Variants in IKZF1 observed in about 807,000 individuals in gnomAD.
IKZF1 encodes IKAROS family zinc finger 1.
A neutral mutation model predicts 51.7 loss-of-function variants in IKZF1; 10 were observed. That is an observed-to-expected ratio of 0.19 (90% CI 0.12 to 0.33). IKZF1 has a LOEUF of 0.33. IKZF1 is among the 10% of genes least tolerant of loss of function. The probability of loss-of-function intolerance (pLI) is 1.00; values close to 1 mark genes in which losing one functional copy is unlikely to be tolerated. For missense variants in IKZF1, 484 were observed against 707.5 expected (o/e 0.68, Z 3.58); for synonymous variants, 280 against 282.3 (o/e 0.99, Z 0.08).
intron 5 of IKZF1, among the ~76,000 whole-genome samples, chr7:50,386,342 T>C (rs555580319): frequency 5.2e-4 from 79 of 152,354 alleles, no homozygotes; most frequent in Admixed American, 9.8e-4. Context: ...TATAATAAGT[T>C]AAAATTAAAC....
intron 3 of IKZF1, among the ~76,000 whole-genome samples, chr7:50,332,345 T>G (rs1472038224): frequency 1.3e-5 from 2 of 152,206 alleles, no homozygotes; most frequent in African/African-American, 4.8e-5. Context: ...TTCTCTCTTG[T>G]ACACATTTCC....
chr7:50,370,981 G>A (rs898214146), intron 3 of IKZF1, among the ~76,000 whole-genome samples: 39 of 152,274 alleles, frequency 2.6e-4, no homozygotes, highest in Admixed American at 1.5e-3. Flanking sequence ...TCACAGAAGG[G>A]CACGGCCAGG....
intron 1 of IKZF1, chr7:50,318,394 G>A (rs893036357): frequency 1.0e-4 from 23 of 228,616 alleles, no homozygotes; most frequent in East Asian, 2.5e-4. Context: ...TTTTGCTGCC[G>A]TAGTGAGCGT....
Position 50,366,397 on chromosome 7 carries a change from A to G in IKZF1, c.161-10136A>G, listed in dbSNP as rs148225940. Among the ~76,000 whole-genome samples, 55 of 152,348 alleles carry G rather than the reference A, an allele frequency of 3.6e-4. 1 individual carries two copies. In the East Asian group the frequency reaches 7.9e-3, roughly 22 times the overall value. On this transcript the variant is annotated intron_variant, in intron 3 of 7. Coordinates refer to ENST00000331340, the MANE Select transcript of IKZF1 (RefSeq NM_006060.6). The stretch of plus-strand genomic sequence containing the variant: ...GATGCCCAAGACTGCACAAGGCTAC[A>G]TTTTCTACTGGTGAGACAAATTCCA...
intron 7 of IKZF1, among the ~76,000 whole-genome samples, chr7:50,395,846 T>G (rs1816565278): frequency 6.6e-6 from 1 of 152,132 alleles, no homozygotes; most frequent in East Asian, 1.9e-4. Flanking sequence ...TTTGACAGAG[T>G]CTATGGTCTT....
intron 2 of IKZF1, among the ~76,000 whole-genome samples, chr7:50,320,126 G>A (rs1233483259): frequency 6.6e-6 from 1 of 152,064 alleles, no homozygotes. Context: ...ACAAACAAAA[G>A]GCTAGCTTAT....
intron 3 of IKZF1, chr7:50,369,280 T>C (rs567535707): frequency 5.3e-6 from 2 of 376,850 alleles, no homozygotes; most frequent in African/African-American, 4.1e-5. Flanking sequence ...AGTAAGCTAA[T>C]GCATCCTAAA....
intron 3 of IKZF1, among the ~76,000 whole-genome samples, chr7:50,364,827 TG>T (rs1806365243): frequency 6.6e-6 from 1 of 152,188 alleles, no homozygotes; most frequent in Non-Finnish European, 1.5e-5. Context: ...GTCCCTACCC[TG>T]GATGTGTGGT....
intron 7 of IKZF1, among the ~76,000 whole-genome samples, 181 bp from the exon 8 acceptor site, chr7:50,399,737 T>TGCAGGTGTGATGTGTCC: frequency 6.6e-6 from 1 of 152,306 alleles, no homozygotes; most frequent in Non-Finnish European, 1.5e-5. Context: ...GTCAGTATGG[T>TGCAGGTGTGATGTGTCC]GCAGGTGTGA....
chr7:50,349,502 G>A (rs967942870), intron 3 of IKZF1, among the ~76,000 whole-genome samples: 11 of 152,198 alleles, frequency 7.2e-5, no homozygotes, highest in Non-Finnish European at 1.5e-4. Context: ...CAGGGAGTGG[G>A]AACAAAACGT....
chr7:50,397,625 A>G (rs1434172229), intron 7 of IKZF1, among the ~76,000 whole-genome samples: 1 of 152,234 alleles, frequency 6.6e-6, no homozygotes. Context: ...TGGTAGAGGG[A>G]TAGACTTGGA....
At chr7:50,392,446 T>C (rs939835127) in intron 7 of IKZF1, among the ~76,000 whole-genome samples, 29 of 147,220 alleles carry the variant, frequency 2.0e-4, no homozygotes, top group Non-Finnish European at 4.2e-4. Context: ...TTGCCCAGAG[T>C]AGGTATTAGA....
chr7:50,387,713 G>A (rs1036469950), intron 6 of IKZF1, among the ~76,000 whole-genome samples: 4 of 152,146 alleles, frequency 2.6e-5, no homozygotes, highest in East Asian at 1.9e-4. Flanking sequence ...ACTTCCAATC[G>A]GGAGAAACTC....
chr7:50,382,837 G>A (rs1355323810), intron 5 of IKZF1, 130 bp downstream of exon 5: 4 of 1,170,392 alleles, frequency 3.4e-6, no homozygotes, highest in Non-Finnish European at 4.7e-6. Context: ...CCTGCATCGG[G>A]TGTGAGCTGT....
At chr7:50,327,408 A>C in intron 2 of IKZF1, 1 of 403,540 alleles carries the variant, frequency 2.5e-6, no homozygotes, top group South Asian at 5.8e-5. Context: ...GTCTGGGATT[A>C]TAGGTGATTG....
chr7:50,403,988 C>T lies in IKZF1; in HGVS notation c.*3361C>T, dbSNP rs961261494. The T allele has an allele frequency of 1.4e-5, 3 of 214,962 alleles. No homozygotes were observed. The highest frequency in any genetic ancestry group is 6.8e-5 in the African/African-American group (3 of 44,276). The allele number at this position is 214,962 out of a possible 1,614,324, so 13.3% of individuals were successfully genotyped here. ...GTCAACTTTTTTAAAATCTAGATCT[C>T]TCTCATTCATTTCAATGTATTTTTA... On this transcript the variant is annotated 3_prime_UTR_variant, in exon 8 of 8. Transcript: ENST00000331340.
intron 3 of IKZF1, among the ~76,000 whole-genome samples, chr7:50,354,207 G>A (rs867479459): frequency 6.6e-6 from 1 of 152,230 alleles, no homozygotes. Flanking sequence ...CAGGTGCTGT[G>A]AGCAGCTGGT....
At chr7:50,382,728 C>A in intron 5 of IKZF1, 21 bp downstream of exon 5, 1 of 1,592,452 alleles carries the variant, frequency 6.3e-7, no homozygotes, top group Non-Finnish European at 8.5e-7. Flanking sequence ...TGGATGCAGT[C>A]CGGGGCTGTC....
At position 50,400,398 on chromosome 7, in the gene IKZF1, A is replaced by T; in HGVS notation, c.1331A>T (p.Asn444Ile). Reference sequence around the variant, plus strand: ...GACCTGCTGCGCGCCGCCTCCGAGAACTCGCAGGACGCGCTCCGCGTGGTC... The same window carrying T: ...GACCTGCTGCGCGCCGCCTCCGAGATCTCGCAGGACGCGCTCCGCGTGGTC... Reference protein sequence around the residue: ...AYDLLRAASENSQDALRVVST... With the variant: ...AYDLLRAASEISQDALRVVST... Residue 444 changes from asparagine to isoleucine, a missense_variant, in exon 8 of 8, where the codon AAC becomes ATC. Asn to Ile is a moderately radical substitution (Grantham distance 149, BLOSUM62 -3). Transcript: ENST00000331340. This position sits in a 1 kb window ranked among gnomAD's most constrained non-coding sequence, Gnocchi z 5.4. 1.2e-6 allele frequency: 2 copies of T among 1,613,558 alleles called. No homozygotes were observed. Among genetic ancestry groups the T allele is most frequent in the Non-Finnish European group, 1.7e-6 (2 of 1,179,762 alleles).
Sources: gnomAD v4.1 joint callset for allele counts (sites outside exome capture counted in the v4.1 genomes callset) on GRCh38, gnomAD v4.1.1 for gene constraint, Gnocchi (gnomAD v3.1) non-coding constraint, MANE v1.5 for transcripts, NCBI Gene and HGNC (gene_info 2026-07-23, HGNC 2026-07-21) for gene names.